The following SEMA6D variants were observed in gnomAD, a reference collection of about 807,000 sequenced individuals.
The protein encoded by SEMA6D is semaphorin 6D, also known as semaphorin-6D.
In SEMA6D, 35 loss-of-function variants were observed where a neutral mutation model predicts 106.6. The observed-to-expected ratio is 0.33, with a 90% CI of 0.25 to 0.44. The LOEUF (loss-of-function observed/expected upper bound fraction) is 0.44. SEMA6D is among the 20% of genes least tolerant of loss of function. The probability of loss-of-function intolerance (pLI) is 1.00; values close to 1 mark genes in which losing one functional copy is unlikely to be tolerated. For missense variants in SEMA6D, 1,185 were observed against 1,345.9 expected, an observed-to-expected ratio of 0.88 and a Z score of 1.87; for synonymous variants, 499 against 487.7, an observed-to-expected ratio of 1.02 and a Z score of -0.31.
chr15:47,612,174 T>C (rs1328260597), intron 4 of SEMA6D, among the ~76,000 whole-genome samples: 2 of 152,140 alleles, frequency 1.3e-5, no homozygotes, highest in Admixed American at 1.3e-4. Context: ...AAAGCAATGC[T>C]CTTTATGCTG....
intron 3 of SEMA6D, among the ~76,000 whole-genome samples, chr15:47,485,766 G>A (rs1342078052): frequency 1.3e-5 from 2 of 152,166 alleles, no homozygotes; most frequent in East Asian, 1.9e-4. Context: ...CATATTTCAT[G>A]TAGCCAAGAG....
intron 3 of SEMA6D, among the ~76,000 whole-genome samples, chr15:47,554,399 T>C (rs924305964): frequency 1.3e-5 from 2 of 152,160 alleles, no homozygotes. Flanking sequence ...AGTTCACAAG[T>C]ACAGTGCTAC....
chr15:47,757,293 A>G (rs58554882), intron 1 of SEMA6D, among the ~76,000 whole-genome samples: 4,700 of 152,270 alleles, frequency 0.031, 254 homozygotes, highest in African/African-American at 0.11. Context: ...CTTTGGGATT[A>G]ATTGGTATTT....
chr15:47,400,041 C>T (rs1280202409), intron 1 of SEMA6D, among the ~76,000 whole-genome samples: 1 of 152,140 alleles, frequency 6.6e-6, no homozygotes, highest in African/African-American at 2.4e-5. Flanking sequence ...TTTTATGATA[C>T]CCTCCTCACC....
At chr15:47,191,471 G>A (rs1893953904) in intron 1 of SEMA6D, among the ~76,000 whole-genome samples, 1 of 152,084 alleles carries the variant, frequency 6.6e-6, no homozygotes, top group Admixed American at 6.6e-5. Context: ...TGAGGCCATG[G>A]CGTGGGTATG....
At chr15:47,536,686 G>C (rs2045178437) in intron 3 of SEMA6D, among the ~76,000 whole-genome samples, 1 of 152,090 alleles carries the variant, frequency 6.6e-6, no homozygotes, top group Non-Finnish European at 1.5e-5. Flanking sequence ...ATGTAGTTAA[G>C]AACAAAACAT....
intron 1 of SEMA6D, among the ~76,000 whole-genome samples, chr15:47,197,510 T>C (rs550707874): frequency 6.6e-6 from 1 of 152,208 alleles, no homozygotes; most frequent in South Asian, 2.1e-4. Flanking sequence ...GTGTCTTTTT[T>C]TTTTTTTGTA....
At chr15:47,436,888 T>C (rs934914452) in intron 2 of SEMA6D, among the ~76,000 whole-genome samples, 10 of 147,816 alleles carry the variant, frequency 6.8e-5, no homozygotes, top group African/African-American at 2.5e-4. Context: ...GAGCTGCAAT[T>C]GTGCCACTGC....
intron 1 of SEMA6D, among the ~76,000 whole-genome samples, chr15:47,311,078 G>T (rs1206637012): frequency 6.6e-6 from 1 of 152,132 alleles, no homozygotes; most frequent in Non-Finnish European, 1.5e-5. Context: ...AAGCCTCATT[G>T]TCCTCCTACT....
chr15:47,578,638 AAC>A (rs145274920), intron 3 of SEMA6D, among the ~76,000 whole-genome samples: 3,480 of 152,326 alleles, frequency 0.023, 131 homozygotes, highest in African/African-American at 0.079. Flanking sequence ...AATAATCAAA[AAC>A]AGAAAAATAT....
intron 4 of SEMA6D, among the ~76,000 whole-genome samples, chr15:47,646,364 A>G (rs1036836500): frequency 6.6e-6 from 1 of 152,238 alleles, no homozygotes; most frequent in African/African-American, 2.4e-5. Context: ...AGCCTGAAGG[A>G]TGTTTGAGAT....
At chr15:47,549,832 A>T (rs981933760) in intron 3 of SEMA6D, among the ~76,000 whole-genome samples, 1 of 152,180 alleles carries the variant, frequency 6.6e-6, no homozygotes, top group Non-Finnish European at 1.5e-5. Flanking sequence ...AGTGTGCAAA[A>T]TGGATCTTTT....
intron 3 of SEMA6D, among the ~76,000 whole-genome samples, chr15:47,563,593 T>G (rs987200563): frequency 3.3e-5 from 5 of 152,186 alleles, no homozygotes; most frequent in African/African-American, 4.8e-5. Flanking sequence ...ACTTTATTTG[T>G]AGTTTTCTTC....
Position 47,401,749 on chromosome 15 carries a change from G to A in SEMA6D, c.-238-10644G>A, listed in dbSNP as rs191135962. Among the ~76,000 whole-genome samples the A allele has an allele frequency of 3.1e-4, 47 of 152,252 alleles. No homozygotes were observed. The Middle Eastern group carries it at 0.014, about 44-fold the overall frequency. Reference sequence around the variant, plus strand: ...TTCCACTTTGTAAATTAGGAAAGTCGCTACACGTCCTATAAAAATTGCATC... The same window carrying A: ...TTCCACTTTGTAAATTAGGAAAGTCACTACACGTCCTATAAAAATTGCATC... On this transcript the variant is annotated intron_variant, in intron 1 of 19. Coordinates refer to the SEMA6D transcript ENST00000558014.
At chr15:47,568,188 C>T (rs1331930824) in intron 3 of SEMA6D, among the ~76,000 whole-genome samples, 2 of 45,832 alleles carry the variant, frequency 4.4e-5, no homozygotes, top group Non-Finnish European at 8.7e-5. Flanking sequence ...ACTGATTTTG[C>T]CATTTAAAAA....
intron 3 of SEMA6D, among the ~76,000 whole-genome samples, chr15:47,552,539 C>G (rs1261315905): frequency 9.0e-5 from 13 of 144,826 alleles, no homozygotes; most frequent in Admixed American, 8.5e-4. Context: ...CACACACACA[C>G]ACACACACAC....
At chr15:47,434,708 C>A (rs1157882751) in intron 2 of SEMA6D, among the ~76,000 whole-genome samples, 1 of 152,116 alleles carries the variant, frequency 6.6e-6, no homozygotes. Context: ...ATTCATTCTA[C>A]AAATGGATAA....
chr15:47,514,980 C>G (rs920315904), intron 3 of SEMA6D, among the ~76,000 whole-genome samples: 4 of 152,130 alleles, frequency 2.6e-5, no homozygotes. Context: ...TTCTGTAAGC[C>G]CCACATGATC....
chr15:47,265,551 G>C (rs1474689106), intron 1 of SEMA6D, among the ~76,000 whole-genome samples: 1 of 150,832 alleles, frequency 6.6e-6, no homozygotes, highest in East Asian at 1.9e-4. Flanking sequence ...ACTTACAATG[G>C]CTACTTTAAA....
Sources: gnomAD v4.1 joint callset for allele counts (sites outside exome capture counted in the v4.1 genomes callset) on GRCh38, gnomAD v4.1.1 for gene constraint, MANE v1.5 for transcripts, NCBI Gene and HGNC (gene_info 2026-07-23, HGNC 2026-07-21) for gene names.